LGR6: variants seen among roughly 807,000 people sequenced by gnomAD.
LGR6 encodes the protein leucine-rich repeat-containing G protein-coupled receptor 6.
A neutral mutation model predicts 69.4 loss-of-function variants in LGR6; 45 were observed. The ratio of observed to expected loss-of-function variants is 0.65; its 90% CI spans 0.51 to 0.83. The LOEUF (loss-of-function observed/expected upper bound fraction) is 0.83. LGR6 is among the 40% of genes least tolerant of loss of function. The probability of loss-of-function intolerance (pLI) is 0.00; values close to 1 mark genes in which losing one functional copy is unlikely to be tolerated. For synonymous variants in LGR6, 538 were observed against 555.0 expected (o/e 0.97, Z 0.43); for missense variants, 1,108 against 1,246.7 (o/e 0.89, Z 1.68).
At chr1:202,255,352 G>A (rs1020285648) in intron 4 of LGR6, among the ~76,000 whole-genome samples, 5 of 152,172 alleles carry the variant, frequency 3.3e-5, no homozygotes, top group Non-Finnish European at 7.4e-5. Context: ...AGGAGGAGCG[G>A]GCATGGCCTT....
chr1:202,203,848 G>T (rs763154739), intron 1 of LGR6: 1 of 1,613,686 alleles, frequency 6.2e-7, no homozygotes, highest in East Asian at 2.2e-5. Context: ...ACACTTGTTT[G>T]TCAAGTGTCA....
In LGR6 at chr1:202,247,618, C is replaced by T. The variant is rs578112510; in HGVS notation, c.428+11625C>T. The stretch of plus-strand genomic sequence containing the variant: ...GAAAGGTACTAGATAACCTTTTGGG[C>T]GATGCAGTTGGGCAGATAAAGGTTA... On this transcript the variant is annotated intron_variant, in intron 4 of 17. Coordinates refer to ENST00000367278, the MANE Select transcript of LGR6 (RefSeq NM_001017403.2). Among the ~76,000 whole-genome samples, 7 of 152,228 alleles carry T rather than the reference C, an allele frequency of 4.6e-5. No individual in the cohort carries two copies. In the South Asian group the frequency reaches 6.2e-4, roughly 14 times the overall value.
At chr1:202,194,256 A>G in intron 1 of LGR6, 55 bp downstream of exon 1, 1 of 1,325,952 alleles carries the variant, frequency 7.5e-7, no homozygotes, top group Non-Finnish European at 1.0e-6. Flanking sequence ...GCTAGCGCCC[A>G]GTCCCGGCCT....
chr1:202,273,538 C>T (rs1233053788), intron 4 of LGR6, among the ~76,000 whole-genome samples: 1 of 150,552 alleles, frequency 6.6e-6, no homozygotes, highest in Non-Finnish European at 1.5e-5. Flanking sequence ...GCTCACCACA[C>T]CCTCCGCCTC....
At chr1:202,283,859 A>C (rs529238930) in intron 6 of LGR6, among the ~76,000 whole-genome samples, 2 of 152,334 alleles carry the variant, frequency 1.3e-5, no homozygotes, top group South Asian at 4.1e-4. Context: ...TTATGCCCTC[A>C]GCTCTGGAGA....
chr1:202,302,572 G>T (rs1400710746), intron 9 of LGR6, among the ~76,000 whole-genome samples: 11 of 152,002 alleles, frequency 7.2e-5, no homozygotes, highest in African/African-American at 2.4e-4. Context: ...TTTTAGACAG[G>T]ATCTCACTCT....
At chr1:202,303,760 C>A (rs76980483) in intron 10 of LGR6, among the ~76,000 whole-genome samples, 1 of 152,248 alleles carries the variant, frequency 6.6e-6, no homozygotes, top group South Asian at 2.1e-4. Flanking sequence ...GGAGTGCCGA[C>A]GCATAGTAGG....
chr1:202,219,917 C>A (rs1241685228), intron 1 of LGR6, among the ~76,000 whole-genome samples: 2 of 151,758 alleles, frequency 1.3e-5, no homozygotes, highest in African/African-American at 4.8e-5. Context: ...TTCTTGTTGC[C>A]CAGGCTGGGG....
chr1:202,194,016 G>T lies in LGR6; in HGVS notation c.27G>T (p.Ala9=), dbSNP rs1353789108. The change falls in exon 1 of 18, where the codon GCG becomes GCT. Residue 9 remains alanine, a synonymous_variant. Transcript: ENST00000367278. ...TGCCCAGCCCGCCGGGGCTCCGGGC[G>T]CTATGGCTTTGCGCCGCGCTGTGCG... The part of the protein sequence containing the change: MPSPPGLR[A]LWLCAALCAS... 7.2e-7 allele frequency: 1 copy of T among 1,386,502 alleles called. No individual in the cohort carries two copies. Among genetic ancestry groups the T allele is most frequent in the South Asian group, 1.6e-5 (1 of 63,176 alleles). 85.9% of individuals were successfully genotyped at this position (1,386,502 alleles called of 1,614,324 possible). A position where few individuals can be genotyped will look rare whatever the true frequency, so the allele number is the denominator to read the frequency against.
At chr1:202,277,427 A>G (rs1182906958) in intron 5 of LGR6, among the ~76,000 whole-genome samples, 1 of 151,468 alleles carries the variant, frequency 6.6e-6, no homozygotes, top group Non-Finnish European at 1.5e-5. Context: ...TCAGGGTGCC[A>G]TACCCTCCCT....
chr1:202,242,310 G>A (rs550029971), intron 4 of LGR6, among the ~76,000 whole-genome samples: 27 of 152,278 alleles, frequency 1.8e-4, no homozygotes, highest in African/African-American at 6.5e-4. Flanking sequence ...CAAAGTACCA[G>A]GTTCTTAACC....
Position 202,312,902 on chromosome 1 carries a change from A to G in LGR6, c.1568-1900A>G, listed in dbSNP as rs148267977. 3.0e-3 allele frequency among the ~76,000 whole-genome samples: 464 copies of G among 152,262 alleles called. 2 individuals are homozygous for G. Among genetic ancestry groups the G allele is most frequent in the African/African-American group, 0.011 (443 of 41,546 alleles). Reference sequence around the variant, plus strand: ...CAACCCCCTAGAGTTCACAGGCCCTAGTTTGAGAAACACTGCAAAAGTGAA... The same window carrying G: ...CAACCCCCTAGAGTTCACAGGCCCTGGTTTGAGAAACACTGCAAAAGTGAA... On this transcript the variant is annotated intron_variant, in intron 16 of 17. Transcript: ENST00000367278.
chr1:202,238,777 C>T (rs1415341325), intron 4 of LGR6, among the ~76,000 whole-genome samples: 3 of 151,446 alleles, frequency 2.0e-5, no homozygotes, highest in Non-Finnish European at 4.4e-5. Flanking sequence ...CAGAGTTGAG[C>T]CTTGAAAGAC....
intron 6 of LGR6, among the ~76,000 whole-genome samples, chr1:202,293,447 C>A (rs1290857577): frequency 2.0e-5 from 3 of 152,144 alleles, no homozygotes; most frequent in Non-Finnish European, 4.4e-5. Context: ...GTGCTCTCCA[C>A]AGTCATGTCA....
chr1:202,222,863 G>A (rs1369907324), intron 1 of LGR6, among the ~76,000 whole-genome samples: 1 of 152,194 alleles, frequency 6.6e-6, no homozygotes, highest in Non-Finnish European at 1.5e-5. Flanking sequence ...AGCACTTTGG[G>A]AGGCCAAGGC....
chr1:202,276,468 C>T lies in LGR6; in HGVS notation c.591C>T (p.Arg197=). ...ALQAMTLALN[R]ISHIPDYAFQ... ...AGGCCATGACCCTGGCCCTCAACCG[C>T]ATCAGCCACATCCCCGACTACGCGT... Residue 197 remains arginine, a synonymous_variant, in exon 5 of 18, where the codon CGC becomes CGT. Transcript: ENST00000367278. The T allele has an allele frequency of 1.9e-6, 3 of 1,614,200 alleles. No individual in the cohort carries two copies. The highest frequency in any genetic ancestry group is 2.5e-6 in the Non-Finnish European group (3 of 1,180,044).
chr1:202,230,542 C>A (rs979546123), intron 3 of LGR6, among the ~76,000 whole-genome samples: 9 of 152,210 alleles, frequency 5.9e-5, no homozygotes, highest in African/African-American at 1.9e-4. Context: ...TGGGAAAATG[C>A]CCGAGCCTCT....
intron 4 of LGR6, among the ~76,000 whole-genome samples, chr1:202,239,324 G>T (rs115519651): frequency 0.016 from 2,386 of 149,246 alleles, 62 homozygotes; most frequent in African/African-American, 0.053. Flanking sequence ...GAGTTTGGCT[G>T]GCTGAACTTG....
At position 202,193,940 on chromosome 1, in the gene LGR6, C is replaced by A; in HGVS notation, c.-50C>A. The A allele has an allele frequency of 8.4e-7, 1 of 1,186,612 alleles. No individual in the cohort carries two copies. Among genetic ancestry groups the A allele is most frequent in the Admixed American group, 4.3e-5 (1 of 23,102 alleles). The allele number at this position is 1,186,612 out of a possible 1,614,324, so 73.5% of individuals were successfully genotyped here. ...GGAGGAAGCAGCTGCGGCCATCGCG[C>A]CGTGCGTCCGCGCCCGGCCGCCAGG... is the stretch of plus-strand genomic sequence containing the variant. On this transcript the variant is annotated 5_prime_UTR_variant, in exon 1 of 18. Coordinates refer to ENST00000367278, the MANE Select transcript of LGR6 (RefSeq NM_001017403.2).
Sources: gnomAD v4.1 joint callset for allele counts (sites outside exome capture counted in the v4.1 genomes callset) on GRCh38, gnomAD v4.1.1 for gene constraint, MANE v1.5 for transcripts, NCBI Gene and HGNC (gene_info 2026-07-23, HGNC 2026-07-21) for gene names.